CDKL1: variants seen among roughly 807,000 people sequenced by gnomAD.
CDKL1 encodes cyclin-dependent kinase-like 1.
CDKL1 carries 41 observed loss-of-function variants against 42.0 expected under a neutral mutation model. The observed-to-expected ratio is 0.98, with a 90% CI of 0.76 to 1.27. The LOEUF is 1.27. Ranked by LOEUF, CDKL1 falls within the 50% of genes most tolerant of loss-of-function variation. The probability of loss-of-function intolerance (pLI) is 0.00; values close to 1 mark genes in which losing one functional copy is unlikely to be tolerated. For synonymous variants in CDKL1, 153 were observed against 158.6 expected, an observed-to-expected ratio of 0.96 and a Z score of 0.26; for missense variants, 394 against 428.4, an observed-to-expected ratio of 0.92 and a Z score of 0.71.
intron 2 of CDKL1, chr14:50,363,000 G>A: frequency 2.2e-6 from 1 of 461,136 alleles, no homozygotes; most frequent in Non-Finnish European, 4.5e-6. Context: ...GCAAAGGGCT[G>A]CAGCTTCACT....
chr14:50,373,468 C>T (rs78520017), intron 2 of CDKL1, among the ~76,000 whole-genome samples: 131 of 152,266 alleles, frequency 8.6e-4, no homozygotes, highest in Non-Finnish European at 1.1e-3. Flanking sequence ...TTGGCAGCAT[C>T]CAGTGCTGAC....
rs765504080 is a variant in CDKL1 at position 50,329,823 on chromosome 14, G to A, written c.*251C>T. 1.2e-5 allele frequency: 5 copies of A among 414,802 alleles called. No homozygotes were observed. The highest frequency in any genetic ancestry group is 4.4e-5 in the Admixed American group (1 of 22,816). 25.7% of individuals were successfully genotyped at this position (414,802 alleles called of 1,614,324 possible). On this transcript the variant is annotated 3_prime_UTR_variant, in exon 10 of 10. Transcript: ENST00000395834. ...CAGTTCATATTCTGTCCATAAGTTC[G>A]GCTACTTACATAAACTGAAATACAA...
At chr14:50,365,614 T>A (rs2034416350) in intron 2 of CDKL1, among the ~76,000 whole-genome samples, 1 of 152,174 alleles carries the variant, frequency 6.6e-6, no homozygotes, top group Admixed American at 6.5e-5. Flanking sequence ...TGTTCATATA[T>A]TCAACAAATA....
At chr14:50,345,173 A>T in intron 3 of CDKL1, 115 bp from the exon 4 acceptor site, 1 of 817,250 alleles carries the variant, frequency 1.2e-6, no homozygotes, top group Non-Finnish European at 1.9e-6. Context: ...TAGGTGACAC[A>T]TAGTCATCTT....
intron 2 of CDKL1, chr14:50,390,009 A>C (rs2035206630): frequency 1.8e-6 from 1 of 549,788 alleles, no homozygotes; most frequent in African/African-American, 1.9e-5. Flanking sequence ...TCTACCTTCT[A>C]AGGTTGTTAT....
At chr14:50,335,608 TAAAG>T (rs1566573704) in intron 7 of CDKL1, 1 of 1,533,976 alleles carries the variant, frequency 6.5e-7, no homozygotes, top group East Asian at 2.4e-5. Context: ...ACAGGCCAGT[TAAAG>T]AGACATACCA....
chr14:50,342,996 A>G, intron 4 of CDKL1: 1 of 1,355,592 alleles, frequency 7.4e-7, no homozygotes, highest in Non-Finnish European at 9.8e-7. Context: ...CCCCCCCTCC[A>G]GAATTTAGAC....
At chr14:50,335,409 A>C (rs1006730372) in intron 7 of CDKL1, 1 of 1,383,772 alleles carries the variant, frequency 7.2e-7, no homozygotes, top group Admixed American at 2.0e-5. Flanking sequence ...GATTTTCTGG[A>C]ATAAACACTG....
At chr14:50,368,239 C>T (rs1224585382) in intron 2 of CDKL1, among the ~76,000 whole-genome samples, 4 of 152,090 alleles carry the variant, frequency 2.6e-5, no homozygotes, top group Admixed American at 2.6e-4. Flanking sequence ...GGATTACAGG[C>T]GTGAGACACT....
rs546145380 is a variant in CDKL1 at position 50,393,406 on chromosome 14, A to G, written c.168+2295T>C. 2.6e-5 allele frequency among the ~76,000 whole-genome samples: 4 copies of G among 152,336 alleles called. No individual in the cohort carries two copies. In the East Asian group the frequency reaches 7.7e-4, roughly 29 times the overall value. On this transcript the variant is annotated intron_variant, in intron 2 of 9. Coordinates refer to ENST00000395834, the MANE Select transcript of CDKL1 (RefSeq NM_004196.7). ...CTGGGGCTCTATGAGTATTTACTGA[A>G]TCCATAAATGGAGAAAATAAAATGT...
chr14:50,386,826 C>T (rs1244855161), intron 2 of CDKL1, among the ~76,000 whole-genome samples: 3 of 151,462 alleles, frequency 2.0e-5, no homozygotes, highest in Non-Finnish European at 2.9e-5. Context: ...TTTGGGAGGC[C>T]GAGGTCAGGA....
intron 2 of CDKL1, among the ~76,000 whole-genome samples, chr14:50,388,883 A>G (rs919160496): frequency 2.0e-5 from 3 of 151,800 alleles, no homozygotes; most frequent in African/African-American, 7.3e-5. Context: ...GCGGATCATG[A>G]GATCAGGAGT....
intron 3 of CDKL1, among the ~76,000 whole-genome samples, chr14:50,346,207 G>A (rs2033717063): frequency 6.6e-6 from 1 of 152,052 alleles, no homozygotes; most frequent in South Asian, 2.1e-4. Context: ...CTTTCAAGCA[G>A]ATCAGGGGGT....
chr14:50,330,139 C>A lies in CDKL1; in HGVS notation c.1009G>T (p.Ala337Ser). The A allele has an allele frequency of 2.5e-6, 4 of 1,606,678 alleles. No homozygotes were observed. Among genetic ancestry groups the A allele is most frequent in the Non-Finnish European group, 3.4e-6 (4 of 1,178,500 alleles). Residue 337 changes from alanine to serine, a missense_variant, in exon 10 of 10, where the codon GCT becomes TCT. Physicochemically the swap from Ala to Ser is moderately conservative, Grantham distance 99. Coordinates refer to ENST00000395834, the MANE Select transcript of CDKL1 (RefSeq NM_004196.7). ...PQLTGSSILP[A>S]LDNKKYYCDT... Reference sequence around the variant, plus strand: ...CAGTAGTACTTCTTATTATCCAAAGCTGGAAGGATGCTGCTGCCAGTTAGC... The same window carrying A: ...CAGTAGTACTTCTTATTATCCAAAGATGGAAGGATGCTGCTGCCAGTTAGC...
chr14:50,365,114 G>A lies in CDKL1; in HGVS notation c.169-5965C>T, dbSNP rs2034400707. On this transcript the variant is annotated intron_variant, in intron 2 of 9. Coordinates refer to ENST00000395834, the MANE Select transcript of CDKL1 (RefSeq NM_004196.7). ...CCTGAAGTTAACTGGGCACCATCTA[G>A]AGCCCCAGAAATGTGGCTCTAACTA... Among the ~76,000 whole-genome samples the A allele has an allele frequency of 1.3e-5, 2 of 152,136 alleles. 1 individual carries two copies. The highest frequency in any genetic ancestry group is 4.1e-4 in the South Asian group (2 of 4,826).
chr14:50,384,252 GA>G (rs2035007161), intron 2 of CDKL1, among the ~76,000 whole-genome samples: 1 of 152,226 alleles, frequency 6.6e-6, no homozygotes, highest in African/African-American at 2.4e-5. Flanking sequence ...TGCAGAGAAT[GA>G]AAACTGTCCA....
At position 50,342,094 on chromosome 14, in the gene CDKL1, A is replaced by AT. The variant is rs759303006; in HGVS notation, c.454+37dup. ...CCTTTGTTGTATCAAGAACTTTTTC[A>AT]TTTTTTATACTTAACAAAAGAAAAT... On this transcript the variant is annotated intron_variant, in intron 5 of 9. Transcript: ENST00000395834. 81 of 1,560,512 alleles carry AT rather than the reference A, an allele frequency of 5.2e-5. No individual in the cohort carries two copies. The East Asian group carries it at 1.8e-3, about 34-fold the overall frequency.
chr14:50,334,215 C>T (rs1595252124), intron 8 of CDKL1: 1 of 177,012 alleles, frequency 5.6e-6, no homozygotes, highest in Non-Finnish European at 1.2e-5. Flanking sequence ...GGAGTGCAGT[C>T]GTGCAATCTC....
chr14:50,388,625 A>C (rs2035157522), intron 2 of CDKL1, among the ~76,000 whole-genome samples: 1 of 152,192 alleles, frequency 6.6e-6, no homozygotes, highest in Non-Finnish European at 1.5e-5. Flanking sequence ...CTGCTCTTGC[A>C]TCCTTGAGGC....
Sources: allele counts gnomAD v4.1 joint callset (sites outside exome capture counted in the v4.1 genomes callset), GRCh38; gene constraint gnomAD v4.1.1; transcripts MANE v1.5; gene names NCBI Gene and HGNC (gene_info 2026-07-23, HGNC 2026-07-21).